Variants in DNAH12 observed in about 807,000 individuals in gnomAD.
DNAH12 encodes the protein axonemal beta dynein heavy chain 12.
A neutral mutation model predicts 371.5 loss-of-function variants in DNAH12; 285 were observed. The observed-to-expected ratio is 0.77, with a 90% CI of 0.70 to 0.85. The LOEUF (loss-of-function observed/expected upper bound fraction) is 0.85, where lower values mean the gene tolerates loss of function less well. Ranked by LOEUF, DNAH12 falls within the 40% of genes least tolerant of loss-of-function variation. DNAH12 has a pLI of 0.00. For missense variants in DNAH12, 3,611 were observed against 3,689.4 expected, an observed-to-expected ratio of 0.98 and a Z score of 0.55; for synonymous variants, 1,200 against 1,213.0, an observed-to-expected ratio of 0.99 and a Z score of 0.22.
chr3:57,389,755 G>A (rs1305977360), intron 45 of DNAH12, among the ~76,000 whole-genome samples: 1 of 149,142 alleles, frequency 6.7e-6, no homozygotes, highest in African/African-American at 2.5e-5. Flanking sequence ...ACTAGCAAGA[G>A]AAATGAAAGC....
chr3:57,517,920 G>A (rs2153396452), intron 4 of DNAH12, among the ~76,000 whole-genome samples: 1 of 152,210 alleles, frequency 6.6e-6, no homozygotes, highest in East Asian at 1.9e-4. Flanking sequence ...CAAGCGTGGT[G>A]CCTCACATCT....
chr3:57,475,523 A>G lies in DNAH12; in HGVS notation c.1651-2852T>C, dbSNP rs2066496520. On this transcript the variant is annotated intron_variant, in intron 13 of 73. Transcript: ENST00000495027. ...TAAAAATTACTACATTGAACTGTAT[A>G]CTTAAAAATGGTTAAAATGGTAAAT... is the stretch of plus-strand genomic sequence containing the variant. Among the ~76,000 whole-genome samples the G allele has an allele frequency of 3.3e-5, 5 of 152,220 alleles. No individual in the cohort carries two copies. The South Asian group carries it at 1.0e-3, about 31-fold the overall frequency.
intron 8 of DNAH12, among the ~76,000 whole-genome samples, chr3:57,505,979 C>G (rs1003015592): frequency 6.6e-5 from 10 of 152,144 alleles, no homozygotes; most frequent in Non-Finnish European, 1.5e-4. Context: ...CTCCTGGGCT[C>G]AAGTGATCCT....
chr3:57,388,621 T>C (rs1413310501), intron 45 of DNAH12, among the ~76,000 whole-genome samples: 1 of 152,122 alleles, frequency 6.6e-6, no homozygotes, highest in Non-Finnish European at 1.5e-5. Flanking sequence ...AAATGCCAGG[T>C]TAAATGTCAT....
chr3:57,400,212 C>G (rs2063828459), intron 43 of DNAH12, among the ~76,000 whole-genome samples: 1 of 152,136 alleles, frequency 6.6e-6, no homozygotes, highest in Admixed American at 6.5e-5. Flanking sequence ...CGCTTGATCT[C>G]AGGAGGTGGA....
chr3:57,511,357 G>T (rs549164634), intron 4 of DNAH12, among the ~76,000 whole-genome samples: 4 of 151,968 alleles, frequency 2.6e-5, no homozygotes, highest in Non-Finnish European at 5.9e-5. Context: ...AACAGACAAA[G>T]CCCATGCTCT....
rs767597625 is a variant in DNAH12 at position 57,452,886 on chromosome 3, C to T, written c.3743G>A (p.Arg1248Gln). The T allele has an allele frequency of 2.6e-6, 4 of 1,550,688 alleles. No individual in the cohort carries two copies. The highest frequency in any genetic ancestry group is 2.0e-5 in the Admixed American group (1 of 50,820). Residue 1248 changes from arginine to glutamine, a missense_variant, in exon 25 of 74, where the codon CGA becomes CAA. Arg to Gln is a conservative substitution (Grantham distance 43). Around this residue, in one of 3 missense-constraint regions of DNAH12, gnomAD observed 2,266 missense variants for 2,236.9 expected, o/e 1.01. Transcript: ENST00000495027. ...YAYEYLGNSP[R>Q]LVITPLTDRC... ...GTCAGTTAGAGGCGTAATGACAAGTCGAGGTGAGTTACCAAGATATTCATA... is the reference window on the plus strand; with the variant it reads ...GTCAGTTAGAGGCGTAATGACAAGTTGAGGTGAGTTACCAAGATATTCATA...
chr3:57,481,508 T>C (rs375160235), intron 13 of DNAH12, among the ~76,000 whole-genome samples: 2 of 151,986 alleles, frequency 1.3e-5, no homozygotes, highest in African/African-American at 2.4e-5. Context: ...AGGTAATTTA[T>C]AGATTCAATG....
intron 58 of DNAH12, among the ~76,000 whole-genome samples, chr3:57,357,845 G>A (rs1036908212): frequency 2.0e-5 from 3 of 152,152 alleles, no homozygotes; most frequent in African/African-American, 7.2e-5. Flanking sequence ...GTCTGGCAAA[G>A]TAGGTATTCA....
chr3:57,466,974 T>C (rs988613606), intron 17 of DNAH12, among the ~76,000 whole-genome samples: 3 of 151,804 alleles, frequency 2.0e-5, no homozygotes, highest in African/African-American at 7.3e-5. Flanking sequence ...AGGCTGGTCT[T>C]GAACTTCTGG....
intron 60 of DNAH12, among the ~76,000 whole-genome samples, chr3:57,351,252 G>C (rs2153321415): frequency 6.6e-6 from 1 of 151,570 alleles, no homozygotes; most frequent in East Asian, 2.0e-4. Context: ...CTGGGCAACA[G>C]AGTGAGACTG....
chr3:57,309,937 C>CA, intron 67 of DNAH12, 83 bp from the exon 68 acceptor site: 5 of 1,223,470 alleles, frequency 4.1e-6, no homozygotes, highest in South Asian at 1.9e-5. Context: ...CCAAAATATG[C>CA]TACTTTGGCA....
chr3:57,393,001 T>C (rs36192899), intron 44 of DNAH12, among the ~76,000 whole-genome samples: 69,033 of 151,972 alleles, frequency 0.45, 16,541 homozygotes, highest in East Asian at 0.61. Context: ...TTGTTGTTGT[T>C]GTTGTTGTTT....
At chr3:57,361,663 T>C (rs1449989738) in intron 58 of DNAH12, among the ~76,000 whole-genome samples, 1 of 151,656 alleles carries the variant, frequency 6.6e-6, no homozygotes, top group Non-Finnish European at 1.5e-5. Flanking sequence ...AACTAGCAAC[T>C]ACCTCCACCA....
At chr3:57,448,494 G>A (rs1263287838) in intron 25 of DNAH12, among the ~76,000 whole-genome samples, 3 of 152,236 alleles carry the variant, frequency 2.0e-5, no homozygotes, top group East Asian at 1.9e-4. Context: ...GGCTTCAGGA[G>A]TGAAGCTGTA....
At chr3:57,516,025 T>C (rs1046218571) in intron 4 of DNAH12, among the ~76,000 whole-genome samples, 17 of 151,078 alleles carry the variant, frequency 1.1e-4, no homozygotes, top group African/African-American at 3.2e-4. Flanking sequence ...ACATTTTCTA[T>C]GTCCACTCCA....
chr3:57,394,885 A>G (rs1049741114), intron 43 of DNAH12, among the ~76,000 whole-genome samples: 1 of 152,202 alleles, frequency 6.6e-6, no homozygotes, highest in Admixed American at 6.5e-5. Context: ...ACTGCAACCC[A>G]AATTCCTAAT....
chr3:57,418,645 G>A (rs966739172), intron 37 of DNAH12, among the ~76,000 whole-genome samples: 5 of 151,642 alleles, frequency 3.3e-5, no homozygotes, highest in East Asian at 1.9e-4. Context: ...CACAAAATAG[G>A]GGTAAACTAA....
intron 25 of DNAH12, among the ~76,000 whole-genome samples, chr3:57,451,320 A>C (rs377243467): frequency 3.3e-5 from 5 of 152,186 alleles, no homozygotes; most frequent in African/African-American, 1.2e-4. Context: ...AAAATACAGA[A>C]TGCCCAGTTA....
Sources: gnomAD v4.1 joint callset for allele counts (sites outside exome capture counted in the v4.1 genomes callset) on GRCh38, gnomAD v4.1.1 for gene constraint, gnomAD v4.1.1 regional missense constraint, MANE v1.5 for transcripts, NCBI Gene and HGNC (gene_info 2026-07-23, HGNC 2026-07-21) for gene names.